The following CHD6 variants were observed in gnomAD, a reference collection of about 807,000 sequenced individuals.
CHD6 encodes the protein chromodomain helicase DNA binding protein 6, also known as ATP-dependent chromatin remodeler CHD6.
A neutral mutation model predicts 276.9 loss-of-function variants in CHD6; 50 were observed. The ratio of observed to expected loss-of-function variants is 0.18; its 90% confidence interval spans 0.14 to 0.23. The LOEUF (loss-of-function observed/expected upper bound fraction) is 0.23. Ranked by LOEUF, CHD6 falls within the 10% of genes least tolerant of loss-of-function variation. The pLI is 1.00. For synonymous variants in CHD6, 1,173 were observed against 1,229.3 expected, an observed-to-expected ratio of 0.95 and a Z score of 0.96; for missense variants, 2,564 against 3,365.8, an observed-to-expected ratio of 0.76 and a Z score of 5.89.
At chr20:41,528,930 T>C (rs1339414491) in intron 3 of CHD6, among the ~76,000 whole-genome samples, 1 of 151,920 alleles carries the variant, frequency 6.6e-6, no homozygotes, top group Non-Finnish European at 1.5e-5. Flanking sequence ...TACCATGGAG[T>C]ATGCAAACTG....
chr20:41,612,829 T>C (rs369949467), intron 1 of CHD6, among the ~76,000 whole-genome samples: 3 of 152,300 alleles, frequency 2.0e-5, no homozygotes, highest in East Asian at 3.9e-4. Flanking sequence ...AGCTTAGGTA[T>C]TTTCCCTAAT....
chr20:41,469,501 TAAG>T (rs1600939494), intron 17 of CHD6, among the ~76,000 whole-genome samples: 1 of 152,210 alleles, frequency 6.6e-6, no homozygotes. Context: ...GGCCTACTCC[TAAG>T]AAGAAAGAAG....
At chr20:41,558,287 C>T (rs757028139) in intron 1 of CHD6, among the ~76,000 whole-genome samples, 1 of 152,136 alleles carries the variant, frequency 6.6e-6, no homozygotes, top group Non-Finnish European at 1.5e-5. Context: ...GCTGTAATGA[C>T]GACGAGACAT....
intron 16 of CHD6, among the ~76,000 whole-genome samples, chr20:41,481,943 G>A (rs530990668): frequency 2.0e-4 from 30 of 152,098 alleles, no homozygotes; most frequent in Admixed American, 2.0e-3. Flanking sequence ...AAAACAGACT[G>A]AGAAGATAAC....
At chr20:41,540,353 A>G (rs1325437866) in intron 2 of CHD6, among the ~76,000 whole-genome samples, 1 of 152,222 alleles carries the variant, frequency 6.6e-6, no homozygotes, top group Non-Finnish European at 1.5e-5. Flanking sequence ...GGCTATGCAA[A>G]TTTGGCTGTT....
chr20:41,432,160 CAAAAAAAAAAA>C (rs572447937), intron 27 of CHD6, among the ~76,000 whole-genome samples: 1 of 58,978 alleles, frequency 1.7e-5, no homozygotes, highest in African/African-American at 5.2e-5. Flanking sequence ...AACTCCGTCT[CAAAAAAAAAAA>C]AAAAAAAAGA....
intron 11 of CHD6, 78 bp from the exon 12 acceptor site, chr20:41,490,099 G>A: frequency 8.6e-7 from 1 of 1,164,868 alleles, no homozygotes; most frequent in Non-Finnish European, 1.3e-6. Context: ...TTGAAAAGAT[G>A]CTTCACATAC....
intron 4 of CHD6, 114 bp downstream of exon 4, chr20:41,514,691 G>GC (rs1285825470): frequency 2.4e-6 from 3 of 1,237,562 alleles, no homozygotes; most frequent in Non-Finnish European, 3.4e-6. Flanking sequence ...TAAAAGCCCA[G>GC]CCCAGGGCTA....
intron 1 of CHD6, among the ~76,000 whole-genome samples, chr20:41,578,216 T>C (rs956795788): frequency 6.6e-6 from 1 of 152,120 alleles, no homozygotes; most frequent in South Asian, 2.1e-4. Flanking sequence ...AACACGACTC[T>C]AGATCAAAAT....
At chr20:41,535,125 G>C (rs1422626836) in intron 2 of CHD6, among the ~76,000 whole-genome samples, 1 of 152,166 alleles carries the variant, frequency 6.6e-6, no homozygotes, top group Non-Finnish European at 1.5e-5. Context: ...CTGAAGGTCA[G>C]AGTGAGACCC....
Position 41,489,912 on chromosome 20 carries a change from C to A in CHD6, c.1546G>T (p.Ala516Ser). The change falls in exon 12 of 37, where the codon GCC (alanine) becomes TCC (serine). Residue 516 changes from alanine (A) to serine (S), a missense_variant. By Grantham distance (99) the Ala-to-Ser change is moderately conservative (BLOSUM62 1). This residue lies in a region of CHD6 where 457 missense variants were observed against 889.0 expected (regional missense o/e 0.51). Coordinates refer to ENST00000373233, the MANE Select transcript of CHD6 (RefSeq NM_032221.5). ...RGIHGPFLII[A>S]PLSTITNWER... ...CAGTTAGTGATGGTGGAGAGAGGGG[C>A]GATAATGAGAAAAGGGCCGTGGATT... 1 of 1,613,762 alleles carries A rather than the reference C, an allele frequency of 6.2e-7. No individual in the cohort carries two copies.
intron 36 of CHD6, among the ~76,000 whole-genome samples, chr20:41,408,094 C>G (rs1361741783): frequency 6.6e-6 from 1 of 152,076 alleles, no homozygotes; most frequent in Admixed American, 6.5e-5. Context: ...AAACCCAGTT[C>G]ATCATAGACA....
Position 41,416,690 on chromosome 20 carries a change from C to G in CHD6, c.6384G>C (p.Pro2128=), listed in dbSNP as rs148956702. The G allele has an allele frequency of 5.6e-6, 9 of 1,613,950 alleles. No individual in the cohort carries two copies. Among genetic ancestry groups the G allele is most frequent in the Non-Finnish European group, 7.6e-6 (9 of 1,179,988 alleles). ...QYEPSGTLPT[P]VLTSSAGSRT... Reference sequence around the variant, plus strand: ...GAGAACCAGCACTGCTGGTTAATACCGGGGTGGGCAGTGTGCCTGAGGGCT... The same window carrying G: ...GAGAACCAGCACTGCTGGTTAATACGGGGGTGGGCAGTGTGCCTGAGGGCT... The change falls in exon 33 of 37, where the codon CCG becomes CCC. Residue 2128 remains proline, a synonymous_variant. Coordinates refer to ENST00000373233, the MANE Select transcript of CHD6 (RefSeq NM_032221.5).
At chr20:41,607,986 T>C (rs528225830) in intron 1 of CHD6, among the ~76,000 whole-genome samples, 2 of 152,162 alleles carry the variant, frequency 1.3e-5, no homozygotes, top group Non-Finnish European at 2.9e-5. Context: ...CTATGTGTCC[T>C]TAAGGAAGAG....
intron 1 of CHD6, among the ~76,000 whole-genome samples, chr20:41,595,741 T>A (rs1204745978): frequency 6.6e-6 from 1 of 151,878 alleles, no homozygotes. Context: ...AAGCAACAAA[T>A]GATAAAATAT....
chr20:41,568,207 TAACTC>T (rs2045380196), intron 1 of CHD6, among the ~76,000 whole-genome samples: 1 of 152,160 alleles, frequency 6.6e-6, no homozygotes, highest in Admixed American at 6.5e-5. Context: ...TTCAAACAAA[TAACTC>T]ATATAATTAA....
At position 41,447,873 on chromosome 20, in the gene CHD6, T is replaced by C; in HGVS notation, c.3773+9A>G. The stretch of plus-strand genomic sequence containing the variant: ...TTAACGTTGATATGTTAAGTTTCAT[T>C]TGCTTTACCTGGCAGGAGATCCTTC... On this transcript the variant is annotated intron_variant, in intron 24 of 36. Transcript: ENST00000373233. 1.3e-6 allele frequency: 2 copies of C among 1,594,280 alleles called. No homozygotes were observed. The highest frequency in any genetic ancestry group is 1.7e-6 in the Non-Finnish European group (2 of 1,165,940).
rs559996351 is a variant in CHD6 at position 41,486,588 on chromosome 20, A to C, written c.2001+1077T>G. On this transcript the variant is annotated intron_variant, in intron 14 of 36. Coordinates refer to ENST00000373233, the MANE Select transcript of CHD6 (RefSeq NM_032221.5). ...GTGGGCAAAATTCCCAAACCTTTTC[A>C]TTCCCCTCATTCTTTGCCCCAACCC... Among the ~76,000 whole-genome samples the C allele has an allele frequency of 3.9e-5, 6 of 152,246 alleles. No homozygotes were observed. The South Asian group carries it at 1.2e-3, about 32-fold the overall frequency.
chr20:41,441,069 T>C (rs371412298), intron 25 of CHD6, among the ~76,000 whole-genome samples: 4 of 152,308 alleles, frequency 2.6e-5, no homozygotes, highest in African/African-American at 9.6e-5. Flanking sequence ...TCTCCTGCCA[T>C]CTCCATGACA....
Sources: gnomAD v4.1 joint callset for allele counts (sites outside exome capture counted in the v4.1 genomes callset) on GRCh38, gnomAD v4.1.1 for gene constraint, gnomAD v4.1.1 regional missense constraint, MANE v1.5 for transcripts, NCBI Gene and HGNC (gene_info 2026-07-23, HGNC 2026-07-21) for gene names.